ZNG1F: variants seen among roughly 807,000 people sequenced by gnomAD.
ZNG1F encodes the protein Zn regulated GTPase metalloprotein activator 1F, also known as zinc-regulated GTPase metalloprotein activator 1F.
the ZNG1F span, among the ~76,000 whole-genome samples, chr9:41,173,848 T>A: frequency 2.7e-5 from 4 of 146,728 alleles, no homozygotes; most frequent in Non-Finnish European, 6.0e-5. Flanking sequence ...TAAACTAAAG[T>A]GTGAAAAGAA....
chr9:41,185,499 CCT>C, the ZNG1F span, among the ~76,000 whole-genome samples: 1 of 116,006 alleles, frequency 8.6e-6, no homozygotes, highest in Non-Finnish European at 1.8e-5. Context: ...ACGGTGAAAC[CCT>C]GTCTCTACTA....
chr9:41,169,778 G>C, the ZNG1F span, among the ~76,000 whole-genome samples: 1 of 148,458 alleles, frequency 6.7e-6, no homozygotes, highest in Non-Finnish European at 1.5e-5. Context: ...GATGGATAAT[G>C]TTTGATAATG....
chr9:41,157,184 G>C, the ZNG1F span: 1 of 146,252 alleles, frequency 6.8e-6, no homozygotes, highest in African/African-American at 2.5e-5. Flanking sequence ...AGGACAGGCT[G>C]GGCGCGGTGG....
the ZNG1F span, among the ~76,000 whole-genome samples, chr9:41,156,103 T>C: frequency 3.8e-5 from 5 of 130,552 alleles, no homozygotes; most frequent in African/African-American, 9.2e-5. Context: ...CATTTTCTCA[T>C]AGAAAGAGTA....
chr9:41,185,597 CG>C, the ZNG1F span, among the ~76,000 whole-genome samples: 1 of 151,312 alleles, frequency 6.6e-6, no homozygotes, highest in Admixed American at 6.6e-5. Context: ...CACTTTAACC[CG>C]GGAGACAGAG....
At chr9:41,196,724 A>ATG in the ZNG1F span, among the ~76,000 whole-genome samples, 2 of 82,022 alleles carry the variant, frequency 2.4e-5, no homozygotes, top group African/African-American at 6.6e-5. Flanking sequence ...ATATATATAT[A>ATG]TGTGTGTGTA....
At chr9:41,140,319 T>C in the ZNG1F span, among the ~76,000 whole-genome samples, 21 of 44,246 alleles carry the variant, frequency 4.7e-4, no homozygotes, top group Non-Finnish European at 8.9e-4. Flanking sequence ...TACTGAACAG[T>C]GTATCGAAAT....
At chr9:41,204,971 A>G in the ZNG1F span, among the ~76,000 whole-genome samples, 1 of 150,856 alleles carries the variant, frequency 6.6e-6, no homozygotes. Flanking sequence ...GCTCTTAAAA[A>G]GTTGCTTAAA....
At chr9:41,200,466 CAA>C in the ZNG1F span, among the ~76,000 whole-genome samples, 1 of 75,122 alleles carries the variant, frequency 1.3e-5, no homozygotes, top group African/African-American at 4.7e-5. Flanking sequence ...GCATTTTGGG[CAA>C]AGTCATTCAA....
chr9:41,175,092 C>T, the ZNG1F span, among the ~76,000 whole-genome samples: 1 of 145,792 alleles, frequency 6.9e-6, no homozygotes, highest in Non-Finnish European at 1.5e-5. Context: ...AGTGACAGGG[C>T]TGTCTAAAAG....
chr9:41,137,140 C>A, the ZNG1F span, among the ~76,000 whole-genome samples: 1 of 138,292 alleles, frequency 7.2e-6, no homozygotes, highest in Non-Finnish European at 1.6e-5. Context: ...CCTCTTAGCA[C>A]CACCTTTGCT....
chr9:41,201,259 C>T, the ZNG1F span, among the ~76,000 whole-genome samples: 1 of 133,196 alleles, frequency 7.5e-6, no homozygotes, highest in African/African-American at 2.7e-5. Context: ...TATATATATG[C>T]TATACATATA....
At chr9:41,166,204 G>A in the ZNG1F span, among the ~76,000 whole-genome samples, 1 of 115,348 alleles carries the variant, frequency 8.7e-6, no homozygotes, top group Non-Finnish European at 1.7e-5. Context: ...TCGAGACCAG[G>A]CTGGCCAACA....
At chr9:41,155,692 A>G in the ZNG1F span, among the ~76,000 whole-genome samples, 1 of 91,966 alleles carries the variant, frequency 1.1e-5, no homozygotes, top group East Asian at 3.1e-4. Flanking sequence ...AGGGACATGG[A>G]TGAAATTGGA....
chr9:41,144,453 A>G, the ZNG1F span, among the ~76,000 whole-genome samples: 1 of 133,346 alleles, frequency 7.5e-6, no homozygotes, highest in Non-Finnish European at 1.6e-5. Flanking sequence ...TTCATTTTAA[A>G]GATAAGTGAA....
At chr9:41,140,580 G>T in the ZNG1F span, among the ~76,000 whole-genome samples, 5 of 61,528 alleles carry the variant, frequency 8.1e-5, no homozygotes, top group East Asian at 1.6e-3. Context: ...TACAGCAAAA[G>T]GTTGTCAAAT....
At chr9:41,155,331 C>T in the ZNG1F span, among the ~76,000 whole-genome samples, 13 of 149,932 alleles carry the variant, frequency 8.7e-5, no homozygotes, top group Middle Eastern at 6.9e-3. Flanking sequence ...GTTAGAATGG[C>T]GATCATTAAA....
chr9:41,134,082 T>A, the ZNG1F span: 3 of 316,674 alleles, frequency 9.5e-6, no homozygotes, highest in Admixed American at 4.9e-5. Flanking sequence ...TACAATGTAC[T>A]CACTATACAG....
At chr9:41,165,183 AT>A in the ZNG1F span, 1 of 1,138,090 alleles carries the variant, frequency 8.8e-7, no homozygotes, top group East Asian at 2.7e-5. Flanking sequence ...CAAATTAAAA[AT>A]AAATAAAAAC....
Sources: gnomAD v4.1 joint callset for allele counts (sites outside exome capture counted in the v4.1 genomes callset) on GRCh38, gnomAD v4.1.1 for gene constraint, MANE v1.5 for transcripts, NCBI Gene and HGNC (gene_info 2026-07-23, HGNC 2026-07-21) for gene names.